The following AUH variants were observed in gnomAD, a reference collection of about 807,000 sequenced individuals.
The protein encoded by AUH is AU RNA binding methylglutaconyl-CoA hydratase.
Under a neutral mutation model 42.3 loss-of-function variants are expected in AUH, and 29 were observed. The ratio of observed to expected loss-of-function variants is 0.69; its 90% CI spans 0.51 to 0.93. AUH has a LOEUF of 0.93. Ranked by LOEUF, AUH falls within the 40% of genes least tolerant of loss-of-function variation. AUH has a pLI of 0.00. For missense variants in AUH, 452 were observed against 438.1 expected (o/e 1.03, Z -0.28); for synonymous variants, 174 against 166.4 (o/e 1.05, Z -0.35).
rs548411527 is a variant in AUH, at chr9:91,298,035, C to T, written c.547G>A (p.Ala183Thr). The change falls in exon 5 of 10, where the codon GCT becomes ACT. Residue 183 changes from alanine to threonine, a missense_variant. By Grantham distance (58) the Ala-to-Thr change is moderately conservative. Transcript: ENST00000375731. ...GCCAGTTCAAGACCACCACCTAAAG[C>T]GAGTCCATCTATTGCTGCAATTGTT... ...VPTIAAIDGL[A>T]LGGGLELALA... 1.2e-5 allele frequency: 20 copies of T among 1,613,988 alleles called. No individual in the cohort carries two copies. Among genetic ancestry groups the T allele is most frequent in the East Asian group, 4.5e-5 (2 of 44,864 alleles).
chr9:91,283,913 T>A (rs1826185083), intron 6 of AUH, among the ~76,000 whole-genome samples: 1 of 151,140 alleles, frequency 6.6e-6, no homozygotes, highest in Admixed American at 6.6e-5. Context: ...TTCAATGCCA[T>A]CCCCATCAAG....
chr9:91,280,690 G>A (rs1033585968), intron 6 of AUH, among the ~76,000 whole-genome samples: 1 of 151,996 alleles, frequency 6.6e-6, no homozygotes, highest in East Asian at 1.9e-4. Context: ...TTTTCTCCAG[G>A]AGCAGTAATT....
chr9:91,339,215 A>G (rs2131963835), intron 3 of AUH, among the ~76,000 whole-genome samples: 1 of 152,362 alleles, frequency 6.6e-6, no homozygotes, highest in African/African-American at 2.4e-5. Context: ...AATGCATTTT[A>G]CAGATGCTCC....
intron 6 of AUH, among the ~76,000 whole-genome samples, chr9:91,245,906 A>G (rs572832089): frequency 6.6e-6 from 1 of 152,284 alleles, no homozygotes; most frequent in Admixed American, 6.5e-5. Context: ...TCTTGTCTAA[A>G]GCTGGCAAGA....
intron 1 of AUH, among the ~76,000 whole-genome samples, 199 bp downstream of exon 1, chr9:91,361,429 G>T (rs556635026): frequency 1.3e-5 from 2 of 152,202 alleles, no homozygotes; most frequent in Non-Finnish European, 2.9e-5. Flanking sequence ...ACACGTTTAG[G>T]TTATTAAAAG....
intron 4 of AUH, among the ~76,000 whole-genome samples, chr9:91,306,591 A>G (rs1828241583): frequency 6.6e-6 from 1 of 152,226 alleles, no homozygotes; most frequent in East Asian, 1.9e-4. Flanking sequence ...TAAGCTTTTT[A>G]TAAATGTAGA....
intron 1 of AUH, among the ~76,000 whole-genome samples, chr9:91,361,078 G>C (rs1832812602): frequency 6.6e-6 from 1 of 152,190 alleles, no homozygotes; most frequent in South Asian, 2.1e-4. Context: ...CAGAGCTGAG[G>C]AAAATAAAAA....
intron 4 of AUH, among the ~76,000 whole-genome samples, chr9:91,307,404 A>G (rs1249156282): frequency 6.6e-6 from 1 of 152,236 alleles, no homozygotes; most frequent in Non-Finnish European, 1.5e-5. Context: ...AAGTAAATCT[A>G]AAATTATAGT....
intron 4 of AUH, among the ~76,000 whole-genome samples, chr9:91,298,277 T>C (rs143811755): frequency 6.6e-6 from 1 of 152,300 alleles, no homozygotes; most frequent in East Asian, 1.9e-4. Context: ...TAGTGTTCCA[T>C]CACATGTATG....
chr9:91,298,553 G>C (rs927993407), intron 4 of AUH, among the ~76,000 whole-genome samples: 1 of 152,208 alleles, frequency 6.6e-6, no homozygotes, highest in African/African-American at 2.4e-5. Flanking sequence ...TGTCCAAGTA[G>C]TTGCTGTGGC....
At chr9:91,309,773 T>C (rs1194857112) in intron 4 of AUH, among the ~76,000 whole-genome samples, 1 of 152,184 alleles carries the variant, frequency 6.6e-6, no homozygotes, top group Non-Finnish European at 1.5e-5. Flanking sequence ...ACACAATACA[T>C]GCATGTAACA....
At chr9:91,286,323 G>A (rs2094456650) in intron 6 of AUH, among the ~76,000 whole-genome samples, 1 of 152,002 alleles carries the variant, frequency 6.6e-6, no homozygotes, top group Non-Finnish European at 1.5e-5. Context: ...AATGCCCCCA[G>A]ATCCCTCACC....
chr9:91,215,959 G>GC, intron 9 of AUH, 100 bp downstream of exon 9: 1 of 1,276,724 alleles, frequency 7.8e-7, no homozygotes, highest in South Asian at 1.2e-5. Context: ...TGGAATGGGC[G>GC]CAAGGGTAAT....
chr9:91,357,140 A>G (rs1047270022), intron 1 of AUH, among the ~76,000 whole-genome samples: 3 of 152,230 alleles, frequency 2.0e-5, no homozygotes, highest in Non-Finnish European at 4.4e-5. Context: ...CTGCTATCTG[A>G]CAGGATCTGT....
At chr9:91,265,621 T>C (rs1039889563) in intron 6 of AUH, among the ~76,000 whole-genome samples, 1 of 152,178 alleles carries the variant, frequency 6.6e-6, no homozygotes, top group African/African-American at 2.4e-5. Context: ...TTTGCCCCAA[T>C]AGGCAGGCTT....
At chr9:91,271,909 T>TGAC (rs1825164002) in intron 6 of AUH, among the ~76,000 whole-genome samples, 1 of 152,180 alleles carries the variant, frequency 6.6e-6, no homozygotes, top group African/African-American at 2.4e-5. Flanking sequence ...CTGGAACTCT[T>TGAC]GACCTCAGGT....
At chr9:91,293,389 C>T (rs556981005) in intron 6 of AUH, among the ~76,000 whole-genome samples, 76 of 152,364 alleles carry the variant, frequency 5.0e-4, no homozygotes, top group African/African-American at 1.7e-3. Context: ...ATTAGAAGTG[C>T]TACTCCAGTG....
chr9:91,245,262 G>A (rs1269626298), intron 6 of AUH, among the ~76,000 whole-genome samples: 2 of 152,172 alleles, frequency 1.3e-5, no homozygotes, highest in African/African-American at 4.8e-5. Context: ...CCTACCCCAG[G>A]CACAGAGTTG....
At chr9:91,281,656 C>G (rs1267178721) in intron 6 of AUH, among the ~76,000 whole-genome samples, 3 of 152,208 alleles carry the variant, frequency 2.0e-5, no homozygotes, top group Admixed American at 2.0e-4. Flanking sequence ...TACAAGGCAA[C>G]CTCTCTTTTC....
Sources: gnomAD v4.1 joint callset for allele counts (sites outside exome capture counted in the v4.1 genomes callset) on GRCh38, gnomAD v4.1.1 for gene constraint, MANE v1.5 for transcripts, NCBI Gene and HGNC (gene_info 2026-07-23, HGNC 2026-07-21) for gene names.